The following DPP10 variants were observed in gnomAD, a reference collection of about 807,000 sequenced individuals.
DPP10 encodes the protein inactive dipeptidyl peptidase 10.
In DPP10, 33 loss-of-function variants were observed where a neutral mutation model predicts 120.9. The ratio of observed to expected loss-of-function variants is 0.27; its 90% CI spans 0.21 to 0.37. The LOEUF is 0.37. DPP10 is among the 10% of genes least tolerant of loss of function. The probability of loss-of-function intolerance (pLI) is 1.00; values close to 1 mark genes in which losing one functional copy is unlikely to be tolerated. For missense variants in DPP10, 816 were observed against 942.8 expected (o/e 0.87, Z 1.76); for synonymous variants, 337 against 326.1 (o/e 1.03, Z -0.36).
At chr2:115,455,380 G>T (rs1405543177) in intron 3 of DPP10, among the ~76,000 whole-genome samples, 1 of 151,904 alleles carries the variant, frequency 6.6e-6, no homozygotes, top group South Asian at 2.1e-4. Flanking sequence ...ATAAGAAAAT[G>T]GCCATACTGC....
Position 115,177,858 on chromosome 2 carries a change from G to C in DPP10, c.61-131381G>C, listed in dbSNP as rs149352316. ...TGCTCGCTGCAAGCTCCGCCTGCCAGGTTCATGCCATTCTCCTGCCTCAGC... is the reference window on the plus strand; with the variant it reads ...TGCTCGCTGCAAGCTCCGCCTGCCACGTTCATGCCATTCTCCTGCCTCAGC... On this transcript the variant is annotated intron_variant, in intron 1 of 25. Transcript: ENST00000410059. Among the ~76,000 whole-genome samples the C allele has an allele frequency of 7.2e-3, 1,097 of 152,194 alleles. 19 individuals carry two copies. The highest frequency in any genetic ancestry group is 0.025 in the African/African-American group (1,052 of 41,512).
intron 3 of DPP10, among the ~76,000 whole-genome samples, chr2:115,384,008 C>A (rs2066652191): frequency 1.3e-5 from 2 of 152,160 alleles, no homozygotes; most frequent in Admixed American, 1.3e-4. Context: ...ATACTGCCTG[C>A]ATGCTTATGT....
rs543743375 is a variant in DPP10 at position 115,449,704 on chromosome 2, A to G, written c.272-49806A>G. ...TGATTGCCATTTGGCCTTAAGCTCC[A>G]TATCAAGCTAACATGAATTAGAAAA... On this transcript the variant is annotated intron_variant, in intron 3 of 25. Coordinates refer to ENST00000410059, the MANE Select transcript of DPP10 (RefSeq NM_020868.6). 9.0e-4 allele frequency among the ~76,000 whole-genome samples: 137 copies of G among 152,200 alleles called. 1 individual carries two copies. The highest frequency in any genetic ancestry group is 5.0e-3 in the South Asian group (24 of 4,826).
chr2:115,112,882 T>C (rs1333166233), intron 1 of DPP10, among the ~76,000 whole-genome samples: 1 of 152,226 alleles, frequency 6.6e-6, no homozygotes, highest in African/African-American at 2.4e-5. Flanking sequence ...GTGCTGTAGA[T>C]AATTTCTACC....
intron 1 of DPP10, among the ~76,000 whole-genome samples, chr2:114,876,365 G>T (rs994469233): frequency 1.3e-5 from 2 of 152,020 alleles, no homozygotes; most frequent in South Asian, 4.1e-4. Context: ...CCCATAATTT[G>T]TAGGTGGACC....
intron 1 of DPP10, among the ~76,000 whole-genome samples, chr2:115,181,949 C>T (rs761048883): frequency 1.6e-4 from 25 of 152,046 alleles, no homozygotes; most frequent in Non-Finnish European, 2.9e-4. Flanking sequence ...CAACACATAC[C>T]GTTAGCCATA....
chr2:115,277,457 T>C (rs2059966605), intron 1 of DPP10, among the ~76,000 whole-genome samples: 3 of 141,356 alleles, frequency 2.1e-5, no homozygotes, highest in Non-Finnish European at 4.6e-5. Context: ...CTTTTTTTTT[T>C]TTTTTTTTTT....
At chr2:115,002,842 A>T (rs1701535898) in intron 1 of DPP10, among the ~76,000 whole-genome samples, 1 of 152,166 alleles carries the variant, frequency 6.6e-6, no homozygotes, top group African/African-American at 2.4e-5. Flanking sequence ...AATGATGACT[A>T]TTAAAAAGTC....
intron 1 of DPP10, among the ~76,000 whole-genome samples, chr2:115,024,676 T>G (rs933386057): frequency 6.7e-6 from 1 of 148,428 alleles, no homozygotes; most frequent in Non-Finnish European, 1.5e-5. Context: ...TAAATGTATA[T>G]AGAGAGACAG....
intron 1 of DPP10, among the ~76,000 whole-genome samples, chr2:114,986,462 G>A (rs1481925736): frequency 1.3e-5 from 2 of 152,102 alleles, no homozygotes; most frequent in Non-Finnish European, 1.5e-5. Context: ...GCTTCCCTGA[G>A]GTGTTATTCC....
intron 1 of DPP10, among the ~76,000 whole-genome samples, chr2:114,752,529 G>A (rs1040040065): frequency 2.6e-5 from 4 of 152,180 alleles, no homozygotes; most frequent in African/African-American, 9.7e-5. Context: ...GCCTATAGCT[G>A]TACAGTAAAG....
intron 1 of DPP10, among the ~76,000 whole-genome samples, chr2:115,014,568 A>G (rs1702497832): frequency 6.6e-6 from 1 of 152,130 alleles, no homozygotes; most frequent in African/African-American, 2.4e-5. Flanking sequence ...TGGTTTTTAT[A>G]AAAGATCAAC....
intron 3 of DPP10, among the ~76,000 whole-genome samples, chr2:115,352,616 A>G (rs1018917180): frequency 1.3e-5 from 2 of 152,174 alleles, no homozygotes; most frequent in African/African-American, 4.8e-5. Flanking sequence ...TCTAGATACA[A>G]AGATATAAAG....
chr2:114,561,051 C>A (rs1267673576), intron 1 of DPP10, among the ~76,000 whole-genome samples: 1 of 152,114 alleles, frequency 6.6e-6, no homozygotes, highest in Admixed American at 6.5e-5. Context: ...GCCACAGCAC[C>A]CCCTTTCTCC....
chr2:115,728,354 G>T (rs2092816542), intron 8 of DPP10, among the ~76,000 whole-genome samples: 1 of 150,940 alleles, frequency 6.6e-6, no homozygotes, highest in South Asian at 2.1e-4. Flanking sequence ...GGGACATTCT[G>T]TCACACTTTA....
At chr2:114,744,260 CAA>C (rs1262888651) in intron 1 of DPP10, among the ~76,000 whole-genome samples, 1 of 152,050 alleles carries the variant, frequency 6.6e-6, no homozygotes, top group Admixed American at 6.6e-5. Context: ...GATGTTTGAG[CAA>C]AGAGTAATAG....
At chr2:114,663,668 T>TATATATATATATAGAGAGAGAG in intron 1 of DPP10, among the ~76,000 whole-genome samples, 16 of 80,708 alleles carry the variant, frequency 2.0e-4, no homozygotes, top group African/African-American at 1.2e-3. Flanking sequence ...TATATATATA[T>TATATATATATATAGAGAGAGAG]AGAGAGAGAG....
chr2:115,568,072 G>C, intron 5 of DPP10, among the ~76,000 whole-genome samples: 1 of 152,164 alleles, frequency 6.6e-6, no homozygotes, highest in Non-Finnish European at 1.5e-5. Flanking sequence ...CAGCTACTTG[G>C]GAGGCTGAGG....
chr2:114,537,719 C>T (rs1369103883), intron 1 of DPP10, among the ~76,000 whole-genome samples: 3 of 152,174 alleles, frequency 2.0e-5, no homozygotes, highest in African/African-American at 7.2e-5. Context: ...GTTTCATTAT[C>T]ACCATTTCAC....
Sources: gnomAD v4.1 joint callset for allele counts (sites outside exome capture counted in the v4.1 genomes callset) on GRCh38, gnomAD v4.1.1 for gene constraint, MANE v1.5 for transcripts, NCBI Gene and HGNC (gene_info 2026-07-23, HGNC 2026-07-21) for gene names.